FANCA: variants seen among roughly 807,000 people sequenced by gnomAD.
FANCA encodes FA complementation group A, also known as Fanconi anemia group A protein.
A neutral mutation model predicts 194.3 loss-of-function variants in FANCA; 236 were observed. That is an observed-to-expected ratio of 1.21 (90% CI 1.09 to 1.35). The LOEUF (loss-of-function observed/expected upper bound fraction) is 1.35, where lower values mean the gene tolerates loss of function less well. Among genes scored for constraint, FANCA ranks in the 40% most tolerant of loss-of-function variants. FANCA has a pLI of 0.00. For synonymous variants in FANCA, 1,014 were observed against 715.8 expected (o/e 1.42, Z -6.65); for missense variants, 2,628 against 1,813.9 (o/e 1.45, Z -8.15).
At chr16:89,739,900 AG>A (rs780215381) in intron 39 of FANCA, 93 bp downstream of exon 39, 6 of 1,577,574 alleles carry the variant, frequency 3.8e-6, no homozygotes, top group Non-Finnish European at 3.4e-6. Flanking sequence ...TTACTTAGCA[AG>A]GAACCTCAAG....
chr16:89,740,172 A>T, intron 38 of FANCA, 73 bp from the exon 39 acceptor site: 1 of 1,138,392 alleles, frequency 8.8e-7, no homozygotes, highest in Non-Finnish European at 1.3e-6. Context: ...TACAGCCCTC[A>T]GCACAGAAGA....
intron 9 of FANCA, among the ~76,000 whole-genome samples, 165 bp from the exon 10 acceptor site, chr16:89,799,397 A>G (rs2040362561): frequency 6.6e-6 from 1 of 152,174 alleles, no homozygotes; most frequent in African/African-American, 2.4e-5. Context: ...ACACACAGAC[A>G]AGAAAATGCT....
intron 11 of FANCA, chr16:89,792,805 G>A: frequency 2.4e-6 from 1 of 424,132 alleles, no homozygotes; most frequent in Non-Finnish European, 4.5e-6. Flanking sequence ...AGCAAAAGGG[G>A]CAGGGTAAAG....
intron 30 of FANCA, among the ~76,000 whole-genome samples, chr16:89,752,761 G>A: frequency 6.6e-6 from 1 of 152,208 alleles, no homozygotes; most frequent in Middle Eastern, 3.2e-3. Context: ...CCACCAGAGG[G>A]CTCCTTGGTC....
chr16:89,742,595 G>A (rs943615974), intron 37 of FANCA, among the ~76,000 whole-genome samples: 6 of 147,522 alleles, frequency 4.1e-5, no homozygotes, highest in Non-Finnish European at 1.5e-5. Flanking sequence ...GGATCACGGG[G>A]TCAGGAGATC....
intron 3 of FANCA, among the ~76,000 whole-genome samples, chr16:89,813,491 G>A (rs1158246425): frequency 2.0e-5 from 3 of 151,790 alleles, no homozygotes; most frequent in African/African-American, 7.3e-5. Flanking sequence ...GGAGTGCAAT[G>A]GAGGGGTCTC....
intron 28 of FANCA, among the ~76,000 whole-genome samples, chr16:89,762,360 G>A (rs1337440360): frequency 6.6e-6 from 1 of 152,044 alleles, no homozygotes; most frequent in African/African-American, 2.4e-5. Flanking sequence ...TTGGGAGGCT[G>A]AGGCCAGCAG....
At chr16:89,810,852 C>T (rs2040849293) in intron 4 of FANCA, 50 bp from the exon 5 acceptor site, 1 of 1,612,524 alleles carries the variant, frequency 6.2e-7, no homozygotes, top group Non-Finnish European at 8.5e-7. Flanking sequence ...TGAAACAATA[C>T]TAAAGCTATG....
chr16:89,754,564 T>A (rs1175732888), intron 30 of FANCA, among the ~76,000 whole-genome samples: 1 of 151,884 alleles, frequency 6.6e-6, no homozygotes, highest in Non-Finnish European at 1.5e-5. Context: ...AGAGATGGGG[T>A]TTCACCATGT....
chr16:89,771,853 C>A (rs760538712), intron 22 of FANCA, 39 bp from the exon 23 acceptor site: 18 of 1,612,088 alleles, frequency 1.1e-5, no homozygotes, highest in Admixed American at 1.0e-4. Context: ...ACAAGAACCC[C>A]GAAAGGAGGG....
intron 12 of FANCA, 55 bp downstream of exon 12, chr16:89,792,416 A>C: frequency 6.4e-7 from 1 of 1,555,302 alleles, no homozygotes; most frequent in Non-Finnish European, 8.9e-7. Context: ...TACTAGGCAG[A>C]TCTTAATCCC....
chr16:89,797,800 C>T (rs2040299000), intron 10 of FANCA, among the ~76,000 whole-genome samples: 1 of 152,094 alleles, frequency 6.6e-6, no homozygotes, highest in African/African-American at 2.4e-5. Context: ...GAGGCTGAGG[C>T]AGAAGAATTG....
In FANCA at chr16:89,816,556, C is replaced by T. The variant is rs1321607523; in HGVS notation, c.60G>A (p.Arg20=). 3 of 1,510,622 alleles carry T rather than the reference C, an allele frequency of 2.0e-6. No individual in the cohort carries two copies. Among genetic ancestry groups the T allele is most frequent in the South Asian group, 1.2e-5 (1 of 81,676 alleles). 93.6% of individuals were successfully genotyped at this position (1,510,622 alleles called of 1,614,324 possible). Residue 20 remains arginine (R), a synonymous_variant, in exon 1 of 43, where the codon AGG becomes AGA. Transcript: ENST00000389301. ...ASGQDPGGRR[R]AWAELLAGRV... ...ACCTACCCAGCAGCTCGGCCCAGGC[C>T]CTCCGGCGGCCCCCTGGGTCCTGGC... is the stretch of plus-strand genomic sequence containing the variant.
intron 18 of FANCA, among the ~76,000 whole-genome samples, chr16:89,779,485 G>A (rs920021259): frequency 6.6e-6 from 1 of 151,908 alleles, no homozygotes; most frequent in African/African-American, 2.4e-5. Context: ...TGGCCCCACT[G>A]CCTTCCCTCC....
intron 14 of FANCA, among the ~76,000 whole-genome samples, chr16:89,787,796 G>T (rs537376680): frequency 5.9e-5 from 9 of 151,704 alleles, no homozygotes; most frequent in Non-Finnish European, 1.0e-4. Context: ...GATATGCTGA[G>T]AATTATATTA....
rs56085228 is a variant in FANCA at position 89,745,287 on chromosome 16, T to G, written c.3514-216A>C. On this transcript the variant is annotated intron_variant, in intron 35 of 42. Coordinates refer to ENST00000389301, the MANE Select transcript of FANCA (RefSeq NM_000135.4). ...CCCACACTCATGGAAGACGTGGAAT[T>G]TGGAGAAGGAAGAGCCTGGCCTAAC... is the stretch of plus-strand genomic sequence containing the variant. Among the ~76,000 whole-genome samples the G allele has an allele frequency of 2.1e-3, 319 of 152,274 alleles. 2 individuals are homozygous for G. Among genetic ancestry groups the G allele is most frequent in the African/African-American group, 6.9e-3 (288 of 41,526 alleles).
At chr16:89,749,557 C>A (rs1031060406) in intron 32 of FANCA, among the ~76,000 whole-genome samples, 173 bp downstream of exon 32, 1 of 152,218 alleles carries the variant, frequency 6.6e-6, no homozygotes, top group African/African-American at 2.4e-5. Flanking sequence ...ACTTTCAACC[C>A]TCCAGATCCT....
intron 8 of FANCA, among the ~76,000 whole-genome samples, 197 bp from the exon 9 acceptor site, chr16:89,799,835 T>C (rs968200428): frequency 3.9e-5 from 6 of 152,130 alleles, no homozygotes; most frequent in African/African-American, 1.4e-4. Flanking sequence ...CTACTAAAAA[T>C]ACAAAAAATT....
intron 5 of FANCA, among the ~76,000 whole-genome samples, chr16:89,810,405 T>C (rs565766625): frequency 6.6e-6 from 1 of 152,122 alleles, no homozygotes; most frequent in East Asian, 1.9e-4. Context: ...TTTTTTTTAA[T>C]AGTTTACTAT....
Sources: gnomAD v4.1 joint callset for allele counts (sites outside exome capture counted in the v4.1 genomes callset) on GRCh38, gnomAD v4.1.1 for gene constraint, MANE v1.5 for transcripts, NCBI Gene and HGNC (gene_info 2026-07-23, HGNC 2026-07-21) for gene names.